Variants in SKP1 observed in about 807,000 individuals in gnomAD.
SKP1 encodes the protein S-phase kinase-associated protein 1.
Under a neutral mutation model 21.5 loss-of-function variants are expected in SKP1, and 1 was observed. That is an observed-to-expected ratio of 0.05 (90% confidence interval 0.02 to 0.22). The LOEUF (loss-of-function observed/expected upper bound fraction) is 0.22. SKP1 is among the 10% of genes least tolerant of loss of function. The pLI, the probability that SKP1 is intolerant of heterozygous loss-of-function variation, is 1.00. For missense variants in SKP1, 70 were observed against 192.0 expected (o/e 0.36, Z 3.76); for synonymous variants, 59 against 59.3 (o/e 0.99, Z 0.03).
intron 4 of SKP1, 78 bp downstream of exon 4, chr5:134,160,909 A>G: frequency 1.0e-6 from 1 of 985,764 alleles, no homozygotes. Flanking sequence ...TTCAGTGTCA[A>G]TGAAGTTAGC....
At chr5:134,160,042 T>C (rs951224209) in intron 4 of SKP1, among the ~76,000 whole-genome samples, 2 of 151,972 alleles carry the variant, frequency 1.3e-5, no homozygotes, top group East Asian at 1.9e-4. Flanking sequence ...GAAAAGAATA[T>C]GTATTCTGCT....
chr5:134,176,207 C>T (rs988439555), intron 1 of SKP1, among the ~76,000 whole-genome samples: 1 of 152,218 alleles, frequency 6.6e-6, no homozygotes, highest in African/African-American at 2.4e-5. Context: ...ATGGTATCTG[C>T]TCAACGACTC....
At chr5:134,174,184 G>A (rs1761495808) in intron 1 of SKP1, among the ~76,000 whole-genome samples, 162 bp from the exon 2 acceptor site, 1 of 152,192 alleles carries the variant, frequency 6.6e-6, no homozygotes, top group African/African-American at 2.4e-5. Flanking sequence ...TTATTCACAA[G>A]TTAGTCTCCG....
At chr5:134,158,101 T>C (rs953918055) in intron 5 of SKP1, 1 of 1,409,602 alleles carries the variant, frequency 7.1e-7, no homozygotes, top group Non-Finnish European at 9.3e-7. Flanking sequence ...CCTCCCCTCA[T>C]TAAGTTGCTC....
intron 2 of SKP1, among the ~76,000 whole-genome samples, chr5:134,167,801 G>A (rs1377325768): frequency 6.6e-6 from 1 of 152,180 alleles, no homozygotes; most frequent in Non-Finnish European, 1.5e-5. Context: ...TGGGATTACA[G>A]GCGTGAGCCA....
At chr5:134,168,221 T>C (rs1341197758) in intron 2 of SKP1, among the ~76,000 whole-genome samples, 1 of 152,196 alleles carries the variant, frequency 6.6e-6, no homozygotes, top group Non-Finnish European at 1.5e-5. Flanking sequence ...AGATGGACCC[T>C]TTCCTTACCC....
chr5:134,168,393 T>C (rs1014978883), intron 2 of SKP1, among the ~76,000 whole-genome samples: 13 of 152,152 alleles, frequency 8.5e-5, no homozygotes, highest in African/African-American at 2.9e-4. Context: ...ACAAAACAGA[T>C]CATGCAGCCA....
chr5:134,165,302 A>G (rs1761307862), intron 3 of SKP1, among the ~76,000 whole-genome samples: 1 of 152,218 alleles, frequency 6.6e-6, no homozygotes, highest in Non-Finnish European at 1.5e-5. Context: ...CAGACAATGC[A>G]GAAAATGTAA....
rs945057698 is a variant in SKP1, at chr5:134,158,548, C to T, written c.363G>A (p.Lys121=). Residue 121 remains lysine, a synonymous_variant, in exon 5 of 6, where the codon AAG becomes AAA. Coordinates refer to ENST00000353411, the MANE Select transcript of SKP1 (RefSeq NM_170679.3). ...TCCCCTTGATCATATTGGCAACAGT[C>T]TTGCATGTAACATCAAGCAAACCTT... ...DIKGLLDVTC[K]TVANMIKGKT... is the part of the protein sequence containing the mutation. The T allele has an allele frequency of 8.1e-6, 13 of 1,613,432 alleles. No homozygotes were observed. The highest frequency in any genetic ancestry group is 8.5e-6 in the Non-Finnish European group (10 of 1,179,600).
rs1437246289 is a variant in SKP1 at position 134,149,034 on chromosome 5, T to C, written c.*8699A>G. Reference sequence around the variant, plus strand: ...AATGCAGCTGTGTTACATGAATATATTGTGTAGCGGTGAGGTCCGGGCTAT... The same window carrying C: ...AATGCAGCTGTGTTACATGAATATACTGTGTAGCGGTGAGGTCCGGGCTAT... On this transcript the variant is annotated 3_prime_UTR_variant, in exon 6 of 6. Coordinates refer to ENST00000353411, the MANE Select transcript of SKP1 (RefSeq NM_170679.3). 1.3e-5 allele frequency: 2 copies of C among 152,128 alleles called. No homozygotes were observed. Among genetic ancestry groups the C allele is most frequent in the Non-Finnish European group, 2.9e-5 (2 of 68,018 alleles). 9.4% of individuals were successfully genotyped at this position (152,128 alleles called of 1,614,324 possible).
intron 4 of SKP1, among the ~76,000 whole-genome samples, chr5:134,160,576 T>A (rs1336095563): frequency 6.6e-6 from 1 of 152,194 alleles, no homozygotes; most frequent in South Asian, 2.1e-4. Context: ...ATAATTGTTA[T>A]GTCTTTTTAA....
rs1286885560 is a variant in SKP1 at position 134,155,716 on chromosome 5, CCTTTA to C, written c.*2012_*2016del. The C allele has an allele frequency of 1.3e-5, 2 of 152,190 alleles. No individual in the cohort carries two copies. The highest frequency in any genetic ancestry group is 2.9e-5 in the Non-Finnish European group (2 of 68,036). The allele number at this position is 152,190 out of a possible 1,614,324, so 9.4% of individuals were successfully genotyped here. A position where few individuals can be genotyped will look rare whatever the true frequency, so the allele number is the denominator to read the frequency against. On this transcript the variant is annotated 3_prime_UTR_variant, in exon 6 of 6. Transcript: ENST00000353411. ...TCCAGTTTCTTAGAAGGTGATACTT[CCTTTA>C]CAAGTTAAACATGGCATATGGCAGT...
In SKP1 at chr5:134,158,446, G is replaced by T; in HGVS notation, c.456+9C>A. The T allele has an allele frequency of 6.2e-7, 1 of 1,613,982 alleles. No homozygotes were observed. Among genetic ancestry groups the T allele is most frequent in the Non-Finnish European group, 8.5e-7 (1 of 1,179,938 alleles). On this transcript the variant is annotated intron_variant, in intron 5 of 5. Transcript: ENST00000353411. ...CATGTGATCAAAGACAAAACTGTGT[G>T]CTACCTACCTGGGCTTCCTCCTCTT...
chr5:134,154,733 C>T lies in SKP1; in HGVS notation c.*3000G>A, dbSNP rs1160153858. 1 of 152,166 alleles carries T rather than the reference C, an allele frequency of 6.6e-6. No individual in the cohort carries two copies. Among genetic ancestry groups the T allele is most frequent in the Non-Finnish European group, 1.5e-5 (1 of 68,040 alleles). The allele number at this position is 152,166 out of a possible 1,614,324, so 9.4% of individuals were successfully genotyped here. Reference sequence around the variant, plus strand: ...ACCCAAATCTGCCAAATACCTTCTTCCTCTCATTCTCTTTCCTGGTGAAAT... The same window carrying T: ...ACCCAAATCTGCCAAATACCTTCTTTCTCTCATTCTCTTTCCTGGTGAAAT... On this transcript the variant is annotated 3_prime_UTR_variant, in exon 6 of 6. Transcript: ENST00000353411.
intron 2 of SKP1, among the ~76,000 whole-genome samples, chr5:134,172,264 C>G (rs1295070672): frequency 6.6e-6 from 1 of 152,224 alleles, no homozygotes; most frequent in South Asian, 2.1e-4. Flanking sequence ...TCTCACTTAC[C>G]TTCTTTTCAC....
At chr5:134,158,237 A>C in intron 5 of SKP1, 2 of 1,439,638 alleles carry the variant, frequency 1.4e-6, no homozygotes. Context: ...AGCTCTTCTC[A>C]TTGAAAACTA....
intron 3 of SKP1, among the ~76,000 whole-genome samples, chr5:134,165,346 T>G (rs531475198): frequency 6.6e-6 from 1 of 152,244 alleles, no homozygotes; most frequent in East Asian, 1.9e-4. Context: ...CATTCACACT[T>G]TGGGAGGCCA....
rs898069721 is a variant in SKP1 at position 134,157,557 on chromosome 5, G to A, written c.*176C>T. 37 of 602,076 alleles carry A rather than the reference G, an allele frequency of 6.1e-5. No homozygotes were observed. The highest frequency in any genetic ancestry group is 9.1e-4 in the Middle Eastern group (2 of 2,208). 37.3% of individuals were successfully genotyped at this position (602,076 alleles called of 1,614,324 possible). A position where few individuals can be genotyped will look rare whatever the true frequency, so the allele number is the denominator to read the frequency against. On this transcript the variant is annotated 3_prime_UTR_variant, in exon 6 of 6. Transcript: ENST00000353411. ...CCATCATACTAGAAGAAACTTGGCC[G>A]TAAGGTTTGGGATCTGTGCTCAAAC...
At chr5:134,157,991 G>T in intron 5 of SKP1, 1 of 1,506,946 alleles carries the variant, frequency 6.6e-7, no homozygotes, top group Non-Finnish European at 8.9e-7. Flanking sequence ...AAGGCAATGG[G>T]CAATTTACTA....
Sources: allele counts gnomAD v4.1 joint callset (sites outside exome capture counted in the v4.1 genomes callset), GRCh38; gene constraint gnomAD v4.1.1; transcripts MANE v1.5; gene names NCBI Gene and HGNC (gene_info 2026-07-23, HGNC 2026-07-21).